The following ITPR2 variants were observed in gnomAD, a reference collection of about 807,000 sequenced individuals.
ITPR2 encodes inositol 1,4,5-trisphosphate-gated calcium channel ITPR2.
ITPR2 carries 207 observed loss-of-function variants against 317.1 expected under a neutral mutation model. The ratio of observed to expected loss-of-function variants is 0.65; its 90% CI spans 0.58 to 0.73. The LOEUF (loss-of-function observed/expected upper bound fraction) is 0.73. Ranked by LOEUF, ITPR2 falls within the 30% of genes least tolerant of loss-of-function variation. ITPR2 has a pLI of 0.00. For synonymous variants in ITPR2, 1,156 were observed against 1,149.1 expected (o/e 1.01, Z -0.12); for missense variants, 2,613 against 3,284.0 (o/e 0.80, Z 4.99).
At position 26,568,010 on chromosome 12, in the gene ITPR2, A is replaced by ATATTATATATATTT. The variant is rs1945050788; in HGVS notation, c.4631-6059_4631-6058insAAATATATATAATA. ...TATATATATATATTATATATATTAT[A>ATATTATATATATTT]TATATATATATATATATATATAAAA... On this transcript the variant is annotated intron_variant, in intron 34 of 56. Coordinates refer to ENST00000381340, the MANE Select transcript of ITPR2 (RefSeq NM_002223.4). 7.4e-3 allele frequency among the ~76,000 whole-genome samples: 48 copies of ATATTATATATATTT among 6,502 alleles called. 1 individual carries two copies. The highest frequency in any genetic ancestry group is 0.033 in the East Asian group (41 of 1,252). 4.3% of individuals were successfully genotyped at this position (6,502 alleles called of 152,430 possible). A position where few individuals can be genotyped will look rare whatever the true frequency, so the allele number is the denominator to read the frequency against.
chr12:26,725,541 A>C, intron 3 of ITPR2, 109 bp downstream of exon 3: 1 of 713,926 alleles, frequency 1.4e-6, no homozygotes, highest in South Asian at 1.8e-5. Flanking sequence ...TATGTATTCT[A>C]AATCTCTGTG....
intron 1 of ITPR2, among the ~76,000 whole-genome samples, chr12:26,796,101 G>C (rs552173738): frequency 3.0e-4 from 46 of 152,204 alleles, no homozygotes; most frequent in African/African-American, 9.6e-4. Flanking sequence ...AGAAATAATG[G>C]TATGTTTGCA....
At chr12:26,659,091 T>A (rs775163492) in intron 16 of ITPR2, 22 bp downstream of exon 16, 2 of 1,585,178 alleles carry the variant, frequency 1.3e-6, no homozygotes, top group South Asian at 2.3e-5. Flanking sequence ...TAGAAAAGAA[T>A]ACCGCATGAA....
At chr12:26,482,759 T>A (rs1353120759) in intron 42 of ITPR2, among the ~76,000 whole-genome samples, 1 of 152,210 alleles carries the variant, frequency 6.6e-6, no homozygotes, top group African/African-American at 2.4e-5. Flanking sequence ...CATGTGTGTA[T>A]AGATTCATAA....
intron 56 of ITPR2, 35 bp downstream of exon 56, chr12:26,340,132 A>C (rs1938058143): frequency 6.5e-7 from 1 of 1,547,244 alleles, no homozygotes; most frequent in Non-Finnish European, 8.7e-7. Context: ...GAATGACTTT[A>C]TCCCACCCAG....
chr12:26,435,552 T>C (rs1941331223), intron 48 of ITPR2, among the ~76,000 whole-genome samples: 1 of 152,180 alleles, frequency 6.6e-6, no homozygotes. Context: ...ACCAAACTTA[T>C]ACAAAACTTA....
intron 34 of ITPR2, among the ~76,000 whole-genome samples, chr12:26,564,532 T>C (rs1298078541): frequency 6.6e-6 from 1 of 152,186 alleles, no homozygotes; most frequent in Non-Finnish European, 1.5e-5. Context: ...TATTTGGAAA[T>C]ACGGTCTTTG....
chr12:26,767,490 C>T (rs1949743163), intron 2 of ITPR2, among the ~76,000 whole-genome samples: 1 of 152,128 alleles, frequency 6.6e-6, no homozygotes, highest in African/African-American at 2.4e-5. Flanking sequence ...TGATGTGTCA[C>T]CACTGAAAAC....
intron 43 of ITPR2, among the ~76,000 whole-genome samples, chr12:26,478,631 G>A (rs16930813): frequency 0.086 from 13,034 of 151,674 alleles, 1,123 homozygotes; most frequent in African/African-American, 0.21. Flanking sequence ...TCTTATAAAC[G>A]GCCTAATGAA....
intron 1 of ITPR2, among the ~76,000 whole-genome samples, chr12:26,823,076 A>C (rs937374523): frequency 6.6e-6 from 1 of 152,020 alleles, no homozygotes; most frequent in African/African-American, 2.4e-5. Context: ...TCCTCCTTGA[A>C]GCTCCCGCCA....
chr12:26,491,668 GAGGGATATTA>G (rs113659320), intron 39 of ITPR2, among the ~76,000 whole-genome samples: 4,430 of 152,102 alleles, frequency 0.029, 147 homozygotes, highest in African/African-American at 0.078. Flanking sequence ...GTATGGATAT[GAGGGATATTA>G]AGGGGGCAGA....
chr12:26,605,126 AAT>A (rs71069256), intron 26 of ITPR2, among the ~76,000 whole-genome samples: 13 of 136,308 alleles, frequency 9.5e-5, no homozygotes, highest in Non-Finnish European at 1.6e-4. Context: ...AAAAAATAAA[AAT>A]ATATATATAT....
In ITPR2 at chr12:26,415,306, T is replaced by C. The variant is rs1206410926; in HGVS notation, c.7303A>G (p.Thr2435Ala). Residue 2435 changes from threonine (T) to alanine (A), a missense_variant, in exon 51 of 57, where the codon ACA (threonine) becomes GCA (alanine). By Grantham distance (58) the Thr-to-Ala change is moderately conservative. Around this residue, in one of 9 missense-constraint regions of ITPR2, gnomAD observed 113 missense variants for 129.2 expected, o/e 0.87. Coordinates refer to ENST00000381340, the MANE Select transcript of ITPR2 (RefSeq NM_002223.4). ...VDRLKNRTPV[T>A]GSHQVPTMTL... ...CATTTAGTGGTAATAGCAATACCTGTAACAGGAGTTCGGTTTTTCAGCCTA... is the reference window on the plus strand; with the variant it reads ...CATTTAGTGGTAATAGCAATACCTGCAACAGGAGTTCGGTTTTTCAGCCTA... 6.3e-7 allele frequency: 1 copy of C among 1,599,600 alleles called. No homozygotes were observed. Among genetic ancestry groups the C allele is most frequent in the Admixed American group, 1.7e-5 (1 of 57,786 alleles).
chr12:26,590,174 G>A (rs1945664060), intron 32 of ITPR2, among the ~76,000 whole-genome samples: 1 of 152,030 alleles, frequency 6.6e-6, no homozygotes, highest in Admixed American at 6.6e-5. Flanking sequence ...ATCTAGCTAG[G>A]AGAGTCACCC....
intron 26 of ITPR2, among the ~76,000 whole-genome samples, chr12:26,608,197 T>C (rs1946181919): frequency 6.6e-6 from 1 of 152,212 alleles, no homozygotes; most frequent in African/African-American, 2.4e-5. Flanking sequence ...TTTGATAATG[T>C]TTAACCTGAT....
chr12:26,663,959 A>G, intron 14 of ITPR2, 113 bp from the exon 15 acceptor site: 2 of 996,402 alleles, frequency 2.0e-6, no homozygotes, highest in South Asian at 1.8e-5. Flanking sequence ...TTTGAGTATT[A>G]GAGTAAACGG....
At chr12:26,648,012 G>A (rs1055552395) in intron 21 of ITPR2, among the ~76,000 whole-genome samples, 5 of 152,096 alleles carry the variant, frequency 3.3e-5, no homozygotes, top group African/African-American at 9.7e-5. Context: ...GAAGCTAGAC[G>A]CAGACCCCCA....
At chr12:26,500,950 G>C (rs964829478) in intron 37 of ITPR2, among the ~76,000 whole-genome samples, 25 of 152,106 alleles carry the variant, frequency 1.6e-4, no homozygotes, top group African/African-American at 5.8e-4. Context: ...CATCCCCTTA[G>C]AAAAACAATT....
At chr12:26,593,169 A>G (rs989176399) in intron 32 of ITPR2, among the ~76,000 whole-genome samples, 1 of 152,208 alleles carries the variant, frequency 6.6e-6, no homozygotes, top group Non-Finnish European at 1.5e-5. Context: ...TACTACAGTG[A>G]TTCTCAAAGT....
Sources: gnomAD v4.1 joint callset for allele counts (sites outside exome capture counted in the v4.1 genomes callset) on GRCh38, gnomAD v4.1.1 for gene constraint, gnomAD v4.1.1 regional missense constraint, MANE v1.5 for transcripts, NCBI Gene and HGNC (gene_info 2026-07-23, HGNC 2026-07-21) for gene names.